Variants in SYN3 observed in about 807,000 individuals in gnomAD.
SYN3 encodes synapsin-3.
A neutral mutation model predicts 65.8 loss-of-function variants in SYN3; 35 were observed. The observed-to-expected ratio is 0.53, with a 90% CI of 0.41 to 0.70. The LOEUF (loss-of-function observed/expected upper bound fraction) is 0.70, where lower values mean the gene tolerates loss of function less well. SYN3 is among the 30% of genes least tolerant of loss of function. The probability of loss-of-function intolerance (pLI) is 0.00; values close to 1 mark genes in which losing one functional copy is unlikely to be tolerated. For missense variants in SYN3, 680 were observed against 749.0 expected (o/e 0.91, Z 1.08); for synonymous variants, 270 against 292.9 (o/e 0.92, Z 0.80).
intron 6 of SYN3, among the ~76,000 whole-genome samples, chr22:32,796,385 G>A (rs916936300): frequency 2.6e-5 from 4 of 152,210 alleles, no homozygotes; most frequent in African/African-American, 9.6e-5. Context: ...GAAAACCTGA[G>A]GATTCATGCG....
chr22:32,869,685 T>C (rs979377767), intron 4 of SYN3, among the ~76,000 whole-genome samples: 1 of 135,234 alleles, frequency 7.4e-6, no homozygotes, highest in African/African-American at 2.8e-5. Context: ...AACCAACACA[T>C]CTTGGTTTTT....
chr22:32,756,707 G>C (rs1000554415), intron 6 of SYN3, among the ~76,000 whole-genome samples: 3 of 152,146 alleles, frequency 2.0e-5, no homozygotes, highest in African/African-American at 7.2e-5. Flanking sequence ...CTGACTCCTA[G>C]CCACCTCTCT....
intron 6 of SYN3, among the ~76,000 whole-genome samples, chr22:32,652,462 T>C (rs1265828712): frequency 1.3e-5 from 2 of 149,750 alleles, no homozygotes; most frequent in Non-Finnish European, 3.0e-5. Context: ...AATGGCTAAT[T>C]GTTTTGCTTT....
intron 1 of SYN3, among the ~76,000 whole-genome samples, chr22:33,041,530 C>T (rs1333569642): frequency 6.6e-6 from 1 of 152,008 alleles, no homozygotes; most frequent in Non-Finnish European, 1.5e-5. Context: ...GATCTCCTCA[C>T]CTTGTGATCC....
At chr22:32,526,018 C>T (rs1569003756) in intron 12 of SYN3, among the ~76,000 whole-genome samples, 1 of 152,154 alleles carries the variant, frequency 6.6e-6, no homozygotes, top group Non-Finnish European at 1.5e-5. Context: ...TGAGGCAAGA[C>T]CCTCCATCAG....
intron 6 of SYN3, among the ~76,000 whole-genome samples, chr22:32,812,120 G>C (rs530784621): frequency 6.6e-6 from 1 of 152,260 alleles, no homozygotes; most frequent in South Asian, 2.1e-4. Context: ...CTGTAAAACA[G>C]CAGGATATTG....
At chr22:32,530,576 C>CTTTTTT (rs1253096632) in intron 10 of SYN3, among the ~76,000 whole-genome samples, 1 of 150,330 alleles carries the variant, frequency 6.7e-6, no homozygotes, top group African/African-American at 2.5e-5. Flanking sequence ...CTCTACGGGC[C>CTTTTTT]TATTTTTTTT....
At chr22:32,643,555 GGC>G (rs1491267959) in intron 6 of SYN3, among the ~76,000 whole-genome samples, 12,281 of 75,852 alleles carry the variant, frequency 0.16, 3,161 homozygotes, top group East Asian at 0.36. Context: ...ATGGTGGGGG[GGC>G]GGGGGGGGCA....
At chr22:32,685,961 GAA>G (rs1234973553) in intron 6 of SYN3, among the ~76,000 whole-genome samples, 2 of 151,996 alleles carry the variant, frequency 1.3e-5, no homozygotes, top group African/African-American at 2.4e-5. Flanking sequence ...GTATTAGTGA[GAA>G]AAAAGTCATT....
intron 6 of SYN3, among the ~76,000 whole-genome samples, chr22:32,815,470 A>G (rs1181165696): frequency 1.3e-5 from 2 of 152,196 alleles, no homozygotes; most frequent in Non-Finnish European, 2.9e-5. Flanking sequence ...ATATGCCAAG[A>G]CCTTTTAAAG....
chr22:32,688,728 T>TG (rs56118994), intron 6 of SYN3, among the ~76,000 whole-genome samples: 151,960 of 151,962 alleles, frequency 1, 75,979 homozygotes, highest in Non-Finnish European at 1. Context: ...ATTCCCTGCC[T>TG]GGGGCTGTCC....
intron 6 of SYN3, among the ~76,000 whole-genome samples, chr22:32,646,895 G>C (rs2059991534): frequency 6.6e-6 from 1 of 152,218 alleles, no homozygotes; most frequent in South Asian, 2.1e-4. Flanking sequence ...AGACCTGTTT[G>C]GCTTGTGGAA....
chr22:32,948,736 C>CAATAAGTA (rs1556028855), intron 3 of SYN3, among the ~76,000 whole-genome samples: 1 of 149,764 alleles, frequency 6.7e-6, no homozygotes, highest in South Asian at 2.1e-4. Flanking sequence ...GACTCCGTCT[C>CAATAAGTA]AATAAATAAA....
At position 32,525,014 on chromosome 22, in the gene SYN3, CA is replaced by C. The variant is rs949554171; in HGVS notation, c.1318+2903del. On this transcript the variant is annotated intron_variant, in intron 12 of 13. Transcript: ENST00000358763. ...TGGGCTATAGAGCGAGACTCTGTCT[CA>C]AAAAAAAAATTTTTTTCATAAAGCT... 9.3e-5 allele frequency among the ~76,000 whole-genome samples: 14 copies of C among 150,466 alleles called. No homozygotes were observed. The East Asian group carries it at 1.2e-3, about 13-fold the overall frequency.
rs73395116 is a variant in SYN3, at chr22:32,514,061, C to G, written c.1611-237G>C. 3.5e-3 allele frequency among the ~76,000 whole-genome samples: 532 copies of G among 152,292 alleles called. 3 individuals are homozygous for G. Among genetic ancestry groups the G allele is most frequent in the African/African-American group, 0.012 (508 of 41,564 alleles). On this transcript the variant is annotated intron_variant, in intron 13 of 13. Transcript: ENST00000358763. ...AATAGGGGTTCACAGAGTCAAGTAA[C>G]TTGCTCCGGTCCTCACAGCAAGTAA...
intron 4 of SYN3, among the ~76,000 whole-genome samples, chr22:32,914,644 G>A (rs149744565): frequency 0.025 from 3,853 of 151,630 alleles, 115 homozygotes; most frequent in Admixed American, 0.079. Context: ...GGGTTTCACC[G>A]TGTTAGCCAT....
chr22:32,536,758 A>G (rs2058172338), intron 9 of SYN3, among the ~76,000 whole-genome samples: 1 of 152,226 alleles, frequency 6.6e-6, no homozygotes, highest in African/African-American at 2.4e-5. Flanking sequence ...CCATGAAATG[A>G]AAGAGCCTGC....
chr22:32,836,954 A>C (rs2099852774), intron 6 of SYN3, among the ~76,000 whole-genome samples: 1 of 152,228 alleles, frequency 6.6e-6, no homozygotes, highest in South Asian at 2.1e-4. Context: ...TTCTGGGAAC[A>C]GATTTGCTGT....
At chr22:32,822,139 G>A (rs1275054193) in intron 6 of SYN3, among the ~76,000 whole-genome samples, 2 of 134,882 alleles carry the variant, frequency 1.5e-5, no homozygotes, top group African/African-American at 5.5e-5. Context: ...TGGGCAACAA[G>A]AGCAAAACTC....
Sources: allele counts gnomAD v4.1 joint callset (sites outside exome capture counted in the v4.1 genomes callset), GRCh38; gene constraint gnomAD v4.1.1; transcripts MANE v1.5; gene names NCBI Gene and HGNC (gene_info 2026-07-23, HGNC 2026-07-21).